WWOX: variants seen among roughly 807,000 people sequenced by gnomAD.
WWOX encodes WW domain containing oxidoreductase.
A neutral mutation model predicts 46.2 loss-of-function variants in WWOX; 69 were observed. The ratio of observed to expected loss-of-function variants is 1.49; its 90% CI spans 1.23 to 1.82. The LOEUF (loss-of-function observed/expected upper bound fraction) is 1.82, where lower values mean the gene tolerates loss of function less well. Ranked by LOEUF, WWOX falls within the 40% of genes most tolerant of loss-of-function variation. WWOX has a pLI of 0.00. For synonymous variants in WWOX, 359 were observed against 202.6 expected, an observed-to-expected ratio of 1.77 and a Z score of -6.56; for missense variants, 919 against 542.6, an observed-to-expected ratio of 1.69 and a Z score of -6.89.
chr16:79,076,591 C>T (rs376167269), intron 8 of WWOX, among the ~76,000 whole-genome samples: 4 of 152,138 alleles, frequency 2.6e-5, no homozygotes, highest in African/African-American at 4.8e-5. Context: ...CTATCCAGGC[C>T]CCTTCATGAC....
At chr16:78,751,601 G>C (rs1165460326) in intron 8 of WWOX, among the ~76,000 whole-genome samples, 1 of 151,288 alleles carries the variant, frequency 6.6e-6, no homozygotes, top group African/African-American at 2.4e-5. Flanking sequence ...TCTTCCATCA[G>C]TCATGCATGC....
chr16:79,209,713 T>G (rs1321134243), intron 8 of WWOX, among the ~76,000 whole-genome samples: 2 of 152,186 alleles, frequency 1.3e-5, no homozygotes, highest in Non-Finnish European at 2.9e-5. Flanking sequence ...TTGGCTTGAG[T>G]TAGCTGGATG....
intron 8 of WWOX, among the ~76,000 whole-genome samples, chr16:79,195,577 C>T (rs1217951717): frequency 6.6e-6 from 1 of 152,184 alleles, no homozygotes; most frequent in Non-Finnish European, 1.5e-5. Context: ...CTTGGGCTTG[C>T]TCTGAAGCCA....
intron 8 of WWOX, among the ~76,000 whole-genome samples, chr16:79,180,093 A>C (rs1393989100): frequency 6.6e-6 from 1 of 152,160 alleles, no homozygotes; most frequent in Non-Finnish European, 1.5e-5. Flanking sequence ...TGCCCAGTTC[A>C]ACAAGAAAGA....
intron 8 of WWOX, among the ~76,000 whole-genome samples, chr16:78,998,952 G>A (rs186180501): frequency 6.6e-6 from 1 of 152,298 alleles, no homozygotes; most frequent in East Asian, 1.9e-4. Context: ...AAACTTGCAG[G>A]ATGGGTGTTG....
At chr16:78,749,903 C>G (rs920437226) in intron 8 of WWOX, among the ~76,000 whole-genome samples, 1 of 152,222 alleles carries the variant, frequency 6.6e-6, no homozygotes, top group Admixed American at 6.5e-5. Context: ...TTTGAGGGTC[C>G]TCAAAATAGA....
intron 8 of WWOX, among the ~76,000 whole-genome samples, chr16:78,948,401 C>G (rs973405844): frequency 2.0e-5 from 3 of 152,182 alleles, no homozygotes; most frequent in Non-Finnish European, 4.4e-5. Flanking sequence ...GAACTTGTAT[C>G]TTTTCTGGGT....
rs373249321 is a variant in WWOX, at chr16:78,402,905, C to T, written c.605+15957C>T. Among the ~76,000 whole-genome samples the T allele has an allele frequency of 1.2e-3, 186 of 152,318 alleles. 2 individuals carry two copies. The South Asian group carries it at 0.023, about 19-fold the overall frequency. ...CTACCACATGTGAATTAATCCTCAACTCCAGAGCCAAGTGCCATTCTCCAG... is the reference window on the plus strand; with the variant it reads ...CTACCACATGTGAATTAATCCTCAATTCCAGAGCCAAGTGCCATTCTCCAG... On this transcript the variant is annotated intron_variant, in intron 6 of 8. Coordinates refer to ENST00000566780, the MANE Select transcript of WWOX (RefSeq NM_016373.4).
chr16:78,390,985 G>C (rs2082164115), intron 6 of WWOX, among the ~76,000 whole-genome samples: 1 of 152,140 alleles, frequency 6.6e-6, no homozygotes, highest in Non-Finnish European at 1.5e-5. Context: ...TATTCCCTTG[G>C]TCCATGCTCC....
In WWOX at chr16:78,613,321, G is replaced by T. The variant is rs117029170; in HGVS notation, c.1056+180569G>T. Among the ~76,000 whole-genome samples the T allele has an allele frequency of 9.5e-3, 1,444 of 152,178 alleles. 13 individuals carry two copies. The highest frequency in any genetic ancestry group is 0.017 in the Non-Finnish European group (1,128 of 68,002). ...GTATGGAAGCCCCAGTGTGTTCCTTGAAGTCCCGATGCGTGATTTGTCCCC... is the reference window on the plus strand; with the variant it reads ...GTATGGAAGCCCCAGTGTGTTCCTTTAAGTCCCGATGCGTGATTTGTCCCC... On this transcript the variant is annotated intron_variant, in intron 8 of 8. Transcript: ENST00000566780.
chr16:78,952,307 T>G lies in WWOX; in HGVS notation c.1057-259301T>G, dbSNP rs1597197866. Among the ~76,000 whole-genome samples, 3 of 152,276 alleles carry G rather than the reference T, an allele frequency of 2.0e-5. No homozygotes were observed. The South Asian group carries it at 6.2e-4, about 32-fold the overall frequency. ...ACTGCATTAAATCCTTCTATAAGTTTTCATAGTTCTGTGCATTTCCTCTTG... is the reference window on the plus strand; with the variant it reads ...ACTGCATTAAATCCTTCTATAAGTTGTCATAGTTCTGTGCATTTCCTCTTG... On this transcript the variant is annotated intron_variant, in intron 8 of 8. Transcript: ENST00000566780.
At chr16:78,892,303 T>A (rs924604352) in intron 8 of WWOX, 2 of 152,156 alleles carry the variant, frequency 1.3e-5, no homozygotes, top group Non-Finnish European at 2.9e-5. Context: ...TAAAAAAAAA[T>A]GAACCACATG....
chr16:78,457,363 AT>A (rs1349143424), intron 8 of WWOX, among the ~76,000 whole-genome samples: 1 of 152,188 alleles, frequency 6.6e-6, no homozygotes, highest in Non-Finnish European at 1.5e-5. Context: ...CTTCAAAGTA[AT>A]GACTAAGTAC....
At chr16:78,284,036 T>G (rs1229099975) in intron 5 of WWOX, among the ~76,000 whole-genome samples, 1 of 152,226 alleles carries the variant, frequency 6.6e-6, no homozygotes, top group Admixed American at 6.5e-5. Context: ...CTCTGAGATT[T>G]GTATCTCGTT....
chr16:78,209,119 G>A, intron 5 of WWOX, among the ~76,000 whole-genome samples: 1 of 152,116 alleles, frequency 6.6e-6, no homozygotes, highest in East Asian at 1.9e-4. Flanking sequence ...AATAAGAAAT[G>A]CTGTTTGAAT....
chr16:78,616,134 A>G (rs2046018754), intron 8 of WWOX, among the ~76,000 whole-genome samples: 1 of 152,082 alleles, frequency 6.6e-6, no homozygotes, highest in Non-Finnish European at 1.5e-5. Context: ...TTGGCCTGGA[A>G]AGGGTATTGG....
intron 6 of WWOX, among the ~76,000 whole-genome samples, chr16:78,400,796 C>G (rs9674169): frequency 6.6e-6 from 1 of 152,102 alleles, no homozygotes; most frequent in Admixed American, 6.5e-5. Context: ...ACCCCTCAAT[C>G]AACACTACAA....
chr16:78,232,295 G>A (rs905599832), intron 5 of WWOX, among the ~76,000 whole-genome samples: 4 of 152,162 alleles, frequency 2.6e-5, no homozygotes, highest in Non-Finnish European at 4.4e-5. Context: ...ACAGCAGTAA[G>A]GATGGAAGTC....
At chr16:78,571,295 A>C (rs564225128) in intron 8 of WWOX, among the ~76,000 whole-genome samples, 1 of 152,332 alleles carries the variant, frequency 6.6e-6, no homozygotes, top group East Asian at 1.9e-4. Context: ...GACTTGCCCA[A>C]GGTCATACAC....
Sources: gnomAD v4.1 joint callset for allele counts (sites outside exome capture counted in the v4.1 genomes callset) on GRCh38, gnomAD v4.1.1 for gene constraint, MANE v1.5 for transcripts, NCBI Gene and HGNC (gene_info 2026-07-23, HGNC 2026-07-21) for gene names.